Variants in TFAP2B observed in about 807,000 individuals in gnomAD.
TFAP2B encodes transcription factor AP-2 beta.
A neutral mutation model predicts 44.3 loss-of-function variants in TFAP2B; 9 were observed. The observed-to-expected ratio is 0.20, with a 90% confidence interval of 0.12 to 0.35. The LOEUF is 0.35. Ranked by LOEUF, TFAP2B falls within the 10% of genes least tolerant of loss-of-function variation. The pLI is 1.00. For missense variants in TFAP2B, 509 were observed against 600.0 expected, an observed-to-expected ratio of 0.85 and a Z score of 1.59; for synonymous variants, 270 against 263.8, an observed-to-expected ratio of 1.02 and a Z score of -0.23.
chr6:50,836,031 C>A, intron 3 of TFAP2B, 30 bp from the exon 4 acceptor site: 1 of 1,589,524 alleles, frequency 6.3e-7, no homozygotes, highest in Non-Finnish European at 8.6e-7. Flanking sequence ...AACTTGGTCA[C>A]CTTTATGGCA....
chr6:50,844,752 T>C lies in TFAP2B; in HGVS notation c.*1360T>C, dbSNP rs1762805796. On this transcript the variant is annotated 3_prime_UTR_variant, in exon 7 of 7. Coordinates refer to ENST00000393655, the MANE Select transcript of TFAP2B (RefSeq NM_003221.4). ...TTGATTTCCCTGGGTTCTTTGGTGA[T>C]TGCTGTTTAAGCAAGGAAAGAAGCA... The C allele has an allele frequency of 6.6e-6, 1 of 152,304 alleles. No homozygotes were observed. The highest frequency in any genetic ancestry group is 2.4e-5 in the African/African-American group (1 of 41,454). 9.4% of individuals were successfully genotyped at this position (152,304 alleles called of 1,614,324 possible). A position where few individuals can be genotyped will look rare whatever the true frequency, so the allele number is the denominator to read the frequency against.
intron 3 of TFAP2B, chr6:50,830,251 A>T: frequency 1.0e-6 from 1 of 967,944 alleles, no homozygotes; most frequent in Non-Finnish European, 1.2e-6. Flanking sequence ...TTGGGCTGGC[A>T]GGGGAACATG....
chr6:50,836,324 CA>C (rs997390569), intron 4 of TFAP2B, 44 bp downstream of exon 4: 1 of 1,517,258 alleles, frequency 6.6e-7, no homozygotes, highest in African/African-American at 1.4e-5. Context: ...AAAAAACAAA[CA>C]AAAACCCACC....
chr6:50,829,254 A>G (rs1257514604), intron 3 of TFAP2B, among the ~76,000 whole-genome samples: 2 of 152,196 alleles, frequency 1.3e-5, no homozygotes, highest in Non-Finnish European at 2.9e-5. Context: ...ATATGCATTC[A>G]TGATTTAGTG....
intron 2 of TFAP2B, among the ~76,000 whole-genome samples, chr6:50,827,845 T>A (rs1420577139): frequency 6.6e-6 from 1 of 152,198 alleles, no homozygotes; most frequent in African/African-American, 2.4e-5. Flanking sequence ...GTTGAAACTT[T>A]CCTTCTCTGG....
intron 6 of TFAP2B, 101 bp downstream of exon 6, chr6:50,840,398 G>A: frequency 6.7e-7 from 1 of 1,482,006 alleles, no homozygotes; most frequent in South Asian, 1.1e-5. Flanking sequence ...AAGCCAGAGG[G>A]TTGTCTAGAA....
At chr6:50,824,863 C>T (rs967400480) in intron 2 of TFAP2B, among the ~76,000 whole-genome samples, 1 of 152,068 alleles carries the variant, frequency 6.6e-6, no homozygotes, top group Non-Finnish European at 1.5e-5. Flanking sequence ...GCTTTTTCAC[C>T]CTAAGTTAAA....
At position 50,845,059 on chromosome 6, in the gene TFAP2B, T is replaced by G. The variant is rs1656617480; in HGVS notation, c.*1667T>G. 6.6e-6 allele frequency: 1 copy of G among 152,160 alleles called. No homozygotes were observed. The highest frequency in any genetic ancestry group is 2.4e-5 in the African/African-American group (1 of 41,430). 9.4% of individuals were successfully genotyped at this position (152,160 alleles called of 1,614,324 possible). ...TCCTTTCTTGGGCTCCATCTTAGCA[T>G]TATCATGAAATAAGATCTGGAATCC... On this transcript the variant is annotated 3_prime_UTR_variant, in exon 7 of 7. Transcript: ENST00000393655.
At chr6:50,826,918 G>T (rs745673760) in intron 2 of TFAP2B, among the ~76,000 whole-genome samples, 2 of 152,080 alleles carry the variant, frequency 1.3e-5, no homozygotes, top group Non-Finnish European at 2.9e-5. Context: ...CTGCGCTTCC[G>T]CATGCAGTCC....
intron 1 of TFAP2B, among the ~76,000 whole-genome samples, chr6:50,820,973 G>A (rs897506736): frequency 2.6e-5 from 4 of 151,900 alleles, no homozygotes; most frequent in Admixed American, 2.0e-4. Flanking sequence ...GGGAGAGAGA[G>A]GGAATATTAC....
chr6:50,830,677 T>C (rs1199119618), intron 3 of TFAP2B, among the ~76,000 whole-genome samples: 2 of 152,222 alleles, frequency 1.3e-5, no homozygotes, highest in Admixed American at 6.5e-5. Context: ...GAAAAGATCC[T>C]ATGTCTTTTT....
chr6:50,846,120 C>T lies in TFAP2B; in HGVS notation c.*2728C>T, dbSNP rs2113966331. The T allele has an allele frequency of 6.5e-6, 1 of 152,786 alleles. No homozygotes were observed. Among genetic ancestry groups the T allele is most frequent in the East Asian group, 1.9e-4 (1 of 5,156 alleles). The allele number at this position is 152,786 out of a possible 1,614,324, so 9.5% of individuals were successfully genotyped here. ...ATGGGATGGGAATTGTCTTACTTGGCAAGGCAGGGTACCTTCATTGCCAGA... is the reference window on the plus strand; with the variant it reads ...ATGGGATGGGAATTGTCTTACTTGGTAAGGCAGGGTACCTTCATTGCCAGA... On this transcript the variant is annotated 3_prime_UTR_variant, in exon 7 of 7. Transcript: ENST00000393655.
chr6:50,831,871 T>C (rs1354999710), intron 3 of TFAP2B, among the ~76,000 whole-genome samples: 3 of 152,224 alleles, frequency 2.0e-5, no homozygotes, highest in Non-Finnish European at 4.4e-5. Flanking sequence ...GTTCAAATGT[T>C]GTGACTGTGG....
intron 1 of TFAP2B, chr6:50,821,939 T>C: frequency 3.1e-6 from 1 of 327,538 alleles, no homozygotes; most frequent in Non-Finnish European, 5.7e-6. Flanking sequence ...TGAATAGTTC[T>C]GTCTGTGTGT....
Position 50,843,527 on chromosome 6 carries a change from T to A in TFAP2B, c.*135T>A, listed in dbSNP as rs201776926. ...GTAGAATACACATACAATCAAAATT[T>A]TAAAAAAAAAAGCTAAATAACTTAA... On this transcript the variant is annotated 3_prime_UTR_variant, in exon 7 of 7. Coordinates refer to ENST00000393655, the MANE Select transcript of TFAP2B (RefSeq NM_003221.4). 1,515 of 827,720 alleles carry A rather than the reference T, an allele frequency of 1.8e-3. 2 individuals carry two copies. The highest frequency in any genetic ancestry group is 2.7e-3 in the African/African-American group (144 of 53,856). 51.3% of individuals were successfully genotyped at this position (827,720 alleles called of 1,614,324 possible). A position where few individuals can be genotyped will look rare whatever the true frequency, so the allele number is the denominator to read the frequency against.
At chr6:50,838,162 C>A in intron 5 of TFAP2B, 69 bp downstream of exon 5, 3 of 1,175,396 alleles carry the variant, frequency 2.6e-6, no homozygotes, top group Non-Finnish European at 3.8e-6. Context: ...TGACATTTTA[C>A]ACATTTCATG....
chr6:50,837,814 C>A (rs950214422), intron 4 of TFAP2B, among the ~76,000 whole-genome samples, 161 bp from the exon 5 acceptor site: 4 of 151,996 alleles, frequency 2.6e-5, no homozygotes, highest in Admixed American at 2.6e-4. Context: ...ATTAAGCAAA[C>A]CTCAGCAAAC....
intron 3 of TFAP2B, among the ~76,000 whole-genome samples, chr6:50,831,678 G>A (rs1770684203): frequency 6.6e-6 from 1 of 151,988 alleles, no homozygotes; most frequent in Admixed American, 6.6e-5. Context: ...GGAAGAGGGT[G>A]TACCCAGCTA....
At position 50,844,567 on chromosome 6, in the gene TFAP2B, T is replaced by G. The variant is rs1762802378; in HGVS notation, c.*1175T>G. 6.5e-6 allele frequency: 1 copy of G among 152,682 alleles called. No homozygotes were observed. Among genetic ancestry groups the G allele is most frequent in the Non-Finnish European group, 1.5e-5 (1 of 68,046 alleles). 9.5% of individuals were successfully genotyped at this position (152,682 alleles called of 1,614,324 possible). A position where few individuals can be genotyped will look rare whatever the true frequency, so the allele number is the denominator to read the frequency against. On this transcript the variant is annotated 3_prime_UTR_variant, in exon 7 of 7. Coordinates refer to ENST00000393655, the MANE Select transcript of TFAP2B (RefSeq NM_003221.4). ...GGAATAATTTAGAAAGTGGCCAATA[T>G]GATGGAAGCAGCTTTGAATCTACAT...
Sources: allele counts gnomAD v4.1 joint callset (sites outside exome capture counted in the v4.1 genomes callset), GRCh38; gene constraint gnomAD v4.1.1; transcripts MANE v1.5; gene names NCBI Gene and HGNC (gene_info 2026-07-23, HGNC 2026-07-21).